MAPK8: variants seen among roughly 807,000 people sequenced by gnomAD.
The protein encoded by MAPK8 is JUN N-terminal kinase.
Under a neutral mutation model 52.9 loss-of-function variants are expected in MAPK8, and 13 were observed. That is an observed-to-expected ratio of 0.25 (90% CI 0.16 to 0.39). The LOEUF (loss-of-function observed/expected upper bound fraction) is 0.39. Ranked by LOEUF, MAPK8 falls within the 10% of genes least tolerant of loss-of-function variation. The pLI, the probability that MAPK8 is intolerant of heterozygous loss-of-function variation, is 1.00. For synonymous variants in MAPK8, 191 were observed against 169.8 expected (o/e 1.12, Z -0.97); for missense variants, 300 against 519.2 (o/e 0.58, Z 4.10).
intron 1 of MAPK8, among the ~76,000 whole-genome samples, chr10:48,328,211 A>G (rs960797993): frequency 2.6e-5 from 4 of 151,220 alleles, no homozygotes; most frequent in Admixed American, 1.3e-4. Flanking sequence ...AGAAATGGGG[A>G]TTTCACCATG....
chr10:48,401,504 C>A (rs531587635), intron 1 of MAPK8, 108 bp from the exon 2 acceptor site: 14 of 604,566 alleles, frequency 2.3e-5, no homozygotes, highest in African/African-American at 2.2e-4. Flanking sequence ...CAGCTCTTTT[C>A]ATGATCTAGC....
At chr10:48,315,923 A>G (rs1456230895) in intron 1 of MAPK8, among the ~76,000 whole-genome samples, 4 of 152,152 alleles carry the variant, frequency 2.6e-5, no homozygotes, top group Admixed American at 1.3e-4. Flanking sequence ...AATGAGCCAA[A>G]ATATCTGTTT....
At position 48,366,277 on chromosome 10, in the gene MAPK8, AC is replaced by A. The variant is rs1296207002; in HGVS notation, c.-49-35333del. Among the ~76,000 whole-genome samples the A allele has an allele frequency of 8.5e-5, 13 of 152,222 alleles. No individual in the cohort carries two copies. In the East Asian group the frequency reaches 2.5e-3, roughly 29 times the overall value. Reference sequence around the variant, plus strand: ...AACTAAACAAAAAAAACCCCTAAGAACCTTTAAACTTAACAAAGTTTATTTG... The same window carrying A: ...AACTAAACAAAAAAAACCCCTAAGAACTTTAAACTTAACAAAGTTTATTTG... On this transcript the variant is annotated intron_variant, in intron 1 of 11. Coordinates refer to ENST00000374189, the MANE Select transcript of MAPK8 (RefSeq NM_001323329.2).
intron 1 of MAPK8, among the ~76,000 whole-genome samples, chr10:48,384,173 G>GCC (rs780781531): frequency 7.9e-5 from 12 of 152,110 alleles, no homozygotes; most frequent in Non-Finnish European, 1.5e-4. Flanking sequence ...AATCGCTTGA[G>GCC]CCGGAGAGTC....
rs535054289 is a variant in MAPK8, at chr10:48,316,772, G to A, written c.-50+9951G>A. Among the ~76,000 whole-genome samples, 4 of 152,300 alleles carry A rather than the reference G, an allele frequency of 2.6e-5. No homozygotes were observed. The South Asian group carries it at 8.3e-4, about 32-fold the overall frequency. ...GCTGAACTTCAGTAGAGATCTCATT[G>A]CTTAATGGGGATTAAATAGTTTATT... On this transcript the variant is annotated intron_variant, in intron 1 of 11. Transcript: ENST00000374189.
intron 5 of MAPK8, among the ~76,000 whole-genome samples, chr10:48,413,815 T>TTATATATATATGTA (rs2042894665): frequency 8.3e-5 from 4 of 48,414 alleles, no homozygotes; most frequent in Non-Finnish European, 4.4e-5. Flanking sequence ...GCCAGAATTG[T>TTATATATATATGTA]TATATATATA....
chr10:48,344,668 A>G lies in MAPK8; in HGVS notation c.-50+37847A>G, dbSNP rs374040525. On this transcript the variant is annotated intron_variant, in intron 1 of 11. Coordinates refer to ENST00000374189, the MANE Select transcript of MAPK8 (RefSeq NM_001323329.2). ...ATGTATTTTTAAAATATCTTCTATAAGCAAGGCTACAGGCTGAATACTTTT... is the reference window on the plus strand; with the variant it reads ...ATGTATTTTTAAAATATCTTCTATAGGCAAGGCTACAGGCTGAATACTTTT... Among the ~76,000 whole-genome samples the G allele has an allele frequency of 1.1e-4, 16 of 152,366 alleles. 1 individual carries two copies. The East Asian group carries it at 1.7e-3, about 17-fold the overall frequency.
intron 1 of MAPK8, among the ~76,000 whole-genome samples, chr10:48,329,517 TA>T (rs397814434): frequency 1.1e-4 from 16 of 149,866 alleles, no homozygotes; most frequent in African/African-American, 3.2e-4. Flanking sequence ...CCTTTTTTTT[TA>T]AAAAAAAAAT....
intron 1 of MAPK8, among the ~76,000 whole-genome samples, chr10:48,328,956 T>A (rs566028319): frequency 2.4e-4 from 37 of 151,934 alleles, no homozygotes; most frequent in African/African-American, 9.0e-4. Flanking sequence ...GTTGTTTCAT[T>A]ACTTAGTAAA....
At chr10:48,308,695 G>GT (rs1309670369) in intron 1 of MAPK8, among the ~76,000 whole-genome samples, 2 of 152,082 alleles carry the variant, frequency 1.3e-5, no homozygotes, top group Admixed American at 1.3e-4. Context: ...TTATTTGAAA[G>GT]TTTTTTGGTG....
chr10:48,348,064 T>A (rs1845957623), intron 1 of MAPK8, among the ~76,000 whole-genome samples: 1 of 152,234 alleles, frequency 6.6e-6, no homozygotes, highest in African/African-American at 2.4e-5. Flanking sequence ...ATCTGTTGTT[T>A]CCTGACTTTA....
intron 1 of MAPK8, among the ~76,000 whole-genome samples, chr10:48,382,998 T>G (rs540407633): frequency 2.0e-5 from 3 of 149,888 alleles, no homozygotes; most frequent in African/African-American, 7.3e-5. Flanking sequence ...ATTAAGCTAA[T>G]TTCTGGCTAT....
At chr10:48,319,719 TTACCCCAAGTGATC>T (rs1842814988) in intron 1 of MAPK8, among the ~76,000 whole-genome samples, 4 of 152,186 alleles carry the variant, frequency 2.6e-5, no homozygotes, top group Admixed American at 2.6e-4. Context: ...CTTGAACTCC[TTACCCCAAGTGATC>T]TACCCACTTC....
intron 1 of MAPK8, among the ~76,000 whole-genome samples, chr10:48,365,878 C>A (rs992854496): frequency 6.6e-6 from 1 of 152,110 alleles, no homozygotes; most frequent in African/African-American, 2.4e-5. Context: ...TCAACTTCAT[C>A]TAAACCTTAA....
intron 1 of MAPK8, among the ~76,000 whole-genome samples, chr10:48,329,209 G>A (rs1843854956): frequency 6.6e-6 from 1 of 152,186 alleles, no homozygotes; most frequent in African/African-American, 2.4e-5. Context: ...CAGACTCCTA[G>A]CCACTGCTTT....
In MAPK8 at chr10:48,396,352, A is replaced by G. The variant is rs567231821; in HGVS notation, c.-49-5260A>G. Among the ~76,000 whole-genome samples, 7 of 152,342 alleles carry G rather than the reference A, an allele frequency of 4.6e-5. No homozygotes were observed. The South Asian group carries it at 1.0e-3, about 23-fold the overall frequency. On this transcript the variant is annotated intron_variant, in intron 1 of 11. Transcript: ENST00000374189. ...AAAGAAGCACATGAAAAGATGCTCA[A>G]CATGATTAGCTACTAGGAAAATGCA...
chr10:48,399,437 C>T (rs566489851), intron 1 of MAPK8, among the ~76,000 whole-genome samples: 15 of 152,312 alleles, frequency 9.8e-5, no homozygotes, highest in African/African-American at 3.4e-4. Context: ...GCCTGTCTGC[C>T]TGCCTCTGCC....
chr10:48,351,671 T>G (rs1267001622), intron 1 of MAPK8, among the ~76,000 whole-genome samples: 1 of 151,770 alleles, frequency 6.6e-6, no homozygotes. Context: ...GTAACCAAAA[T>G]AAAATCTTAA....
At chr10:48,333,699 G>A (rs1844367607) in intron 1 of MAPK8, among the ~76,000 whole-genome samples, 2 of 152,284 alleles carry the variant, frequency 1.3e-5, no homozygotes, top group Non-Finnish European at 2.9e-5. Flanking sequence ...ACACGGGGCA[G>A]AGCCAGTCCT....
Sources: allele counts gnomAD v4.1 joint callset (sites outside exome capture counted in the v4.1 genomes callset), GRCh38; gene constraint gnomAD v4.1.1; transcripts MANE v1.5; gene names NCBI Gene and HGNC (gene_info 2026-07-23, HGNC 2026-07-21).